Variants in IDH3B observed in about 807,000 individuals in gnomAD.
IDH3B encodes isocitrate dehydrogenase (NAD(+)) 3 non-catalytic subunit beta.
A neutral mutation model predicts 47.5 loss-of-function variants in IDH3B; 40 were observed. The observed-to-expected ratio is 0.84, with a 90% CI of 0.65 to 1.10. The LOEUF is 1.10. Ranked by LOEUF, IDH3B falls within the 50% of genes least tolerant of loss-of-function variation. IDH3B has a pLI of 0.00. For missense variants in IDH3B, 450 were observed against 505.2 expected, an observed-to-expected ratio of 0.89 and a Z score of 1.05; for synonymous variants, 185 against 191.0, an observed-to-expected ratio of 0.97 and a Z score of 0.26.
Position 2,659,517 on chromosome 20 carries a change from C to A in IDH3B, c.1071+8G>T, listed in dbSNP as rs2086896500. ...ATCCTGAAGCCAGCACTACTCTTCT[C>A]AACTCACCTTGCCAACTTTGATCAC... On this transcript the variant is annotated splice_region_variant and intron_variant, in intron 11 of 11. Coordinates refer to ENST00000380843, the MANE Select transcript of IDH3B (RefSeq NM_006899.5). The A allele has an allele frequency of 1.2e-6, 2 of 1,614,030 alleles. No individual in the cohort carries two copies. The highest frequency in any genetic ancestry group is 3.3e-4 in the Middle Eastern group (2 of 6,062).
chr20:2,660,184 G>A lies in IDH3B; in HGVS notation c.769-8C>T. ...GTAAGGATTCTGCACCAGCTAGAGG[G>A]TGAGATGCAGGCATGAAGTAAATTC... is the stretch of plus-strand genomic sequence containing the variant. On this transcript the variant is annotated splice_polypyrimidine_tract_variant and splice_region_variant and intron_variant, in intron 8 of 11. Coordinates refer to ENST00000380843, the MANE Select transcript of IDH3B (RefSeq NM_006899.5). This position sits in a 1 kb window ranked among gnomAD's most constrained non-coding sequence, Gnocchi z 5.6. 1.9e-6 allele frequency: 3 copies of A among 1,614,170 alleles called. No homozygotes were observed. The highest frequency in any genetic ancestry group is 1.6e-4 in the Middle Eastern group (1 of 6,062).
In IDH3B at chr20:2,658,465, T is replaced by A; in HGVS notation, c.*286A>T. Reference sequence around the variant, plus strand: ...GCCTATGGGTGGGGCAAGGCAGCAATGACAGCCTCAGTGAAGTCATGGCAA... The same window carrying A: ...GCCTATGGGTGGGGCAAGGCAGCAAAGACAGCCTCAGTGAAGTCATGGCAA... On this transcript the variant is annotated 3_prime_UTR_variant, in exon 12 of 12. Coordinates refer to ENST00000380843, the MANE Select transcript of IDH3B (RefSeq NM_006899.5). 1 of 1,614,122 alleles carries A rather than the reference T, an allele frequency of 6.2e-7. No individual in the cohort carries two copies. The highest frequency in any genetic ancestry group is 8.5e-7 in the Non-Finnish European group (1 of 1,180,014).
In IDH3B at chr20:2,663,689, G is replaced by A. The variant is rs372837005; in HGVS notation, c.187C>T (p.Leu63=). 3.8e-5 allele frequency: 62 copies of A among 1,614,100 alleles called. No homozygotes were observed. The African/African-American group carries it at 7.7e-4, about 20-fold the overall frequency. The change falls in exon 3 of 12, where the codon CTG becomes TTG. Residue 63 remains leucine, a synonymous_variant. Transcript: ENST00000380843. ...AACACCTCCTTGACGGCGTGCATCA[G>A]CTCAGGCCCCACACCGTCTCCCGGA... The part of the protein sequence containing the change: ...MLPGDGVGPE[L]MHAVKEVFKA...
intron 4 of IDH3B, among the ~76,000 whole-genome samples, chr20:2,662,060 AG>A: frequency 6.6e-6 from 1 of 152,306 alleles, no homozygotes; most frequent in South Asian, 2.1e-4. Context: ...GAGGCAAGAA[AG>A]GTTTCTCCCC....
rs549221323 is a variant in IDH3B, at chr20:2,662,726, G to A, written c.337+720C>T. ...TCCCAGCACTGTGGGAGGCCAAGGC[G>A]GGCAGATCACAAGGTCAGGAGTTCG... On this transcript the variant is annotated intron_variant, in intron 4 of 11. Transcript: ENST00000380843. Among the ~76,000 whole-genome samples, 7 of 152,080 alleles carry A rather than the reference G, an allele frequency of 4.6e-5. No individual in the cohort carries two copies. The South Asian group carries it at 1.0e-3, about 22-fold the overall frequency.
chr20:2,661,200 T>TGTGTGTGTGTGC (rs748243089), intron 4 of IDH3B, among the ~76,000 whole-genome samples: 1 of 151,706 alleles, frequency 6.6e-6, no homozygotes, highest in East Asian at 1.9e-4. Flanking sequence ...TGTGTGTGTG[T>TGTGTGTGTGTGC]GTGCGTGTGT....
intron 4 of IDH3B, 146 bp from the exon 5 acceptor site, chr20:2,661,115 G>A: frequency 1.4e-6 from 1 of 737,328 alleles, no homozygotes; most frequent in Admixed American, 2.0e-5. Flanking sequence ...ATTGTCTCTG[G>A]GGGCAAGGGA....
Position 2,660,720 on chromosome 20 carries a change from C to A in IDH3B, c.508G>T (p.Glu170Ter), listed in dbSNP as rs1209362845. ...ACCTCATGTTCCAGAGAGCTGTACT[C>A]CCCTTCTGTCTGCTCTCGAATGATC... The part of the protein sequence containing the change: ...LVIIREQTEG[E>*]YSSLEHESAR... Residue 170 changes from glutamate (E) to a stop codon, truncating the protein, a stop_gained, in exon 6 of 12, where the codon GAG becomes TAG. Transcript: ENST00000380843. LOFTEE classifies it high-confidence loss of function. This position sits in a 1 kb window ranked among gnomAD's most constrained non-coding sequence, Gnocchi z 5.6. 1 of 1,614,194 alleles carries A rather than the reference C, an allele frequency of 6.2e-7. No individual in the cohort carries two copies. Among genetic ancestry groups the A allele is most frequent in the Admixed American group, 1.7e-5 (1 of 60,026 alleles).
chr20:2,658,835 C>T lies in IDH3B; in HGVS notation c.1074G>A (p.Val358=). The change falls in exon 12 of 12, where the codon GTG becomes GTA. Residue 358 remains valine, a splice_region_variant and synonymous_variant. Transcript: ENST00000380843. ...AVKKVIKVGK[V]RTRDMGGYST... ...TGTAGCCGCCCATGTCTCGAGTCCG[C>T]ACCTACAGCCACCACCGGCAACAGC... 2 of 1,614,032 alleles carry T rather than the reference C, an allele frequency of 1.2e-6. No homozygotes were observed. The highest frequency in any genetic ancestry group is 1.7e-6 in the Non-Finnish European group (2 of 1,180,040).
At position 2,663,467 on chromosome 20, in the gene IDH3B, C is replaced by T; in HGVS notation, c.316G>A (p.Glu106Lys). Residue 106 changes from glutamate to lysine, a missense_variant, in exon 4 of 12, where the codon GAG (glutamate) becomes AAG (lysine). Coordinates refer to ENST00000380843, the MANE Select transcript of IDH3B (RefSeq NM_006899.5). ...ATACCAATGATGGCCACTTTGTTCT[C>T]CTTCATGGAACTCAGCACCTGCTCC... is the stretch of plus-strand genomic sequence containing the variant. ...KLEQVLSSMK[E>K]NKVAIIGKIH... is the part of the protein sequence containing the mutation. 6.2e-7 allele frequency: 1 copy of T among 1,614,198 alleles called. No homozygotes were observed. Among genetic ancestry groups the T allele is most frequent in the Non-Finnish European group, 8.5e-7 (1 of 1,180,040 alleles).
Position 2,659,536 on chromosome 20 carries a change from T to C in IDH3B, c.1060A>G (p.Lys354Glu). The C allele has an allele frequency of 6.2e-7, 1 of 1,614,228 alleles. No homozygotes were observed. Among genetic ancestry groups the C allele is most frequent in the South Asian group, 1.1e-5 (1 of 91,086 alleles). Residue 354 changes from lysine to glutamate, a missense_variant, in exon 11 of 12, where the codon AAA becomes GAA. Physicochemically the swap from Lys to Glu is moderately conservative, Grantham distance 56 (BLOSUM62 1). Transcript: ENST00000380843. ...MIADAVKKVIKVGKVRTRDMG... is the reference protein window; with the variant it reads ...MIADAVKKVIEVGKVRTRDMG... ...TCTTCTCAACTCACCTTGCCAACTT[T>C]GATCACCTTCTTCACCGCATCTGCG...
Position 2,659,781 on chromosome 20 carries a change from G to T in IDH3B, c.928C>A (p.Pro310Thr). Residue 310 changes from proline (P) to threonine (T), a missense_variant, in exon 10 of 12, where the codon CCA becomes ACA. Pro to Thr is a conservative substitution (Grantham distance 38, BLOSUM62 -1). Transcript: ENST00000380843. Reference sequence around the variant, plus strand: ...TTCCTGCCCACTGCCTGGGCAAATGGGTGCCGGGCACCCTGTGGAGAGAGG... The same window carrying T: ...TTCCTGCCCACTGCCTGGGCAAATGTGTGCCGGGCACCCTGTGGAGAGAGG... ...YAVFETGARH[P>T]FAQAVGRNIA... The T allele has an allele frequency of 6.2e-7, 1 of 1,613,494 alleles. No individual in the cohort carries two copies. The highest frequency in any genetic ancestry group is 8.5e-7 in the Non-Finnish European group (1 of 1,179,420).
At chr20:2,664,080 C>T (rs2087003609) in intron 1 of IDH3B, 73 bp downstream of exon 1, 1 of 1,609,590 alleles carries the variant, frequency 6.2e-7, no homozygotes, top group African/African-American at 1.3e-5. Flanking sequence ...TTGACTTTGC[C>T]CTGTTTAGGA....
intron 9 of IDH3B, 46 bp downstream of exon 9, chr20:2,659,984 G>A: frequency 6.2e-7 from 1 of 1,612,654 alleles, no homozygotes. Flanking sequence ...GAGAGGAATG[G>A]CGGACTTGAG....
rs1465471484 is a variant in IDH3B, at chr20:2,658,781, G to A, written c.1128C>T (p.Val376=). The stretch of plus-strand genomic sequence containing the variant: ...TCCCTTTAGTCTGCAGGTGACCGAT[G>A]ACAGACTTGATGAAGTCGGTTGTGG... ...YSTTTDFIKS[V]IGHLQTKGS is the part of the protein sequence containing the mutation. Residue 376 remains valine, a synonymous_variant, in exon 12 of 12, where the codon GTC becomes GTT. Coordinates refer to ENST00000380843, the MANE Select transcript of IDH3B (RefSeq NM_006899.5). 6.2e-7 allele frequency: 1 copy of A among 1,614,080 alleles called. No individual in the cohort carries two copies. Among genetic ancestry groups the A allele is most frequent in the African/African-American group, 1.3e-5 (1 of 74,926 alleles).
chr20:2,662,515 CG>C (rs1450095582), intron 4 of IDH3B, among the ~76,000 whole-genome samples: 2 of 152,056 alleles, frequency 1.3e-5, no homozygotes, highest in African/African-American at 4.8e-5. Flanking sequence ...GATTAAAGCG[CG>C]GAAGACAAAA....
Position 2,659,690 on chromosome 20 carries a change from A to G in IDH3B, c.1010+9T>C. On this transcript the variant is annotated intron_variant, in intron 10 of 11. Coordinates refer to ENST00000380843, the MANE Select transcript of IDH3B (RefSeq NM_006899.5). ...ACCCAACCTCTGCCGACAGCCTCCCATGACCTACTTAAGATGCCGCAGCAT... is the reference window on the plus strand; with the variant it reads ...ACCCAACCTCTGCCGACAGCCTCCCGTGACCTACTTAAGATGCCGCAGCAT... 6.2e-7 allele frequency: 1 copy of G among 1,613,388 alleles called. No individual in the cohort carries two copies.
chr20:2,661,039 A>G (rs1334905137), intron 4 of IDH3B, 70 bp from the exon 5 acceptor site: 1 of 1,326,386 alleles, frequency 7.5e-7, no homozygotes, highest in African/African-American at 1.4e-5. Context: ...ACCAGTGTCT[A>G]ACCCCCTTAG....
At position 2,658,461 on chromosome 20, in the gene IDH3B, G is replaced by C. The variant is rs371328637; in HGVS notation, c.*290C>G. ...CAGGGCCTATGGGTGGGGCAAGGCA[G>C]CAATGACAGCCTCAGTGAAGTCATG... On this transcript the variant is annotated 3_prime_UTR_variant, in exon 12 of 12. Transcript: ENST00000380843. 6 of 1,614,180 alleles carry C rather than the reference G, an allele frequency of 3.7e-6. No homozygotes were observed. In the African/African-American group the frequency reaches 8.0e-5, roughly 22 times the overall value.
Sources: allele counts gnomAD v4.1 joint callset (sites outside exome capture counted in the v4.1 genomes callset), GRCh38; gene constraint gnomAD v4.1.1; non-coding constraint Gnocchi (gnomAD v3.1); transcripts MANE v1.5; gene names NCBI Gene and HGNC (gene_info 2026-07-23, HGNC 2026-07-21).